The following CNTNAP5 variants were observed in gnomAD, a reference collection of about 807,000 sequenced individuals.
The protein encoded by CNTNAP5 is contactin associated protein family member 5, also known as contactin-associated protein-like 5.
In CNTNAP5, 72 loss-of-function variants were observed where a neutral mutation model predicts 150.2. The observed-to-expected ratio is 0.48, with a 90% confidence interval of 0.40 to 0.58. The LOEUF (loss-of-function observed/expected upper bound fraction) is 0.58, where lower values mean the gene tolerates loss of function less well. Ranked by LOEUF, CNTNAP5 falls within the 20% of genes least tolerant of loss-of-function variation. The probability of loss-of-function intolerance (pLI) is 0.00; values close to 1 mark genes in which losing one functional copy is unlikely to be tolerated. For synonymous variants in CNTNAP5, 672 were observed against 619.8 expected (o/e 1.08, Z -1.25); for missense variants, 1,636 against 1,626.2 (o/e 1.01, Z -0.10).
At chr2:124,126,731 C>T (rs930745211) in intron 1 of CNTNAP5, among the ~76,000 whole-genome samples, 1 of 152,118 alleles carries the variant, frequency 6.6e-6, no homozygotes, top group African/African-American at 2.4e-5. Context: ...TGGCCTCATC[C>T]CTGGGATACA....
intron 1 of CNTNAP5, among the ~76,000 whole-genome samples, chr2:124,138,833 A>G (rs563583282): frequency 6.6e-6 from 1 of 151,506 alleles, no homozygotes; most frequent in Non-Finnish European, 1.5e-5. Context: ...AAACACACAC[A>G]CACACCACAT....
intron 1 of CNTNAP5, among the ~76,000 whole-genome samples, chr2:124,105,238 T>C (rs1683149319): frequency 6.6e-6 from 1 of 152,220 alleles, no homozygotes; most frequent in East Asian, 1.9e-4. Flanking sequence ...CTTCAGCCAA[T>C]CTTCCACTAA....
chr2:124,175,617 T>C (rs1324904265), intron 1 of CNTNAP5, among the ~76,000 whole-genome samples: 2 of 152,142 alleles, frequency 1.3e-5, no homozygotes, highest in East Asian at 3.9e-4. Context: ...CATTCTCTAT[T>C]GTTCTCATCT....
chr2:124,745,290 G>T (rs1680582003), intron 13 of CNTNAP5, among the ~76,000 whole-genome samples: 1 of 152,192 alleles, frequency 6.6e-6, no homozygotes, highest in East Asian at 1.9e-4. Flanking sequence ...TTGCTCATTG[G>T]ATTTGACTGT....
chr2:124,706,757 A>AGAG (rs1679649008), intron 13 of CNTNAP5, among the ~76,000 whole-genome samples: 1 of 26,806 alleles, frequency 3.7e-5, no homozygotes, highest in Non-Finnish European at 7.5e-5. Flanking sequence ...AAGAAGAAGA[A>AGAG]GAAGAAGAAG....
At chr2:124,602,107 G>A (rs1431065294) in intron 11 of CNTNAP5, among the ~76,000 whole-genome samples, 2 of 152,096 alleles carry the variant, frequency 1.3e-5, no homozygotes, top group Non-Finnish European at 2.9e-5. Flanking sequence ...CACTTTGGGA[G>A]GCCGAGGCGG....
intron 3 of CNTNAP5, among the ~76,000 whole-genome samples, chr2:124,299,189 C>T (rs570079102): frequency 6.6e-6 from 1 of 152,284 alleles, no homozygotes; most frequent in East Asian, 1.9e-4. Context: ...CAGGCTCTTC[C>T]CCACTGCAAT....
intron 1 of CNTNAP5, among the ~76,000 whole-genome samples, chr2:124,046,451 A>G (rs966310412): frequency 2.7e-5 from 4 of 150,600 alleles, no homozygotes; most frequent in African/African-American, 9.8e-5. Context: ...AAAAAAAAAC[A>G]GAGAATAACA....
At chr2:124,108,377 TATTA>T (rs1209706097) in intron 1 of CNTNAP5, among the ~76,000 whole-genome samples, 1 of 152,190 alleles carries the variant, frequency 6.6e-6, no homozygotes, top group African/African-American at 2.4e-5. Flanking sequence ...ACCTTTGTAA[TATTA>T]AATAGGCTTA....
At chr2:124,778,852 A>C (rs1027525129) in intron 17 of CNTNAP5, among the ~76,000 whole-genome samples, 4 of 152,192 alleles carry the variant, frequency 2.6e-5, no homozygotes, top group Non-Finnish European at 5.9e-5. Flanking sequence ...AAAAGAAAAA[A>C]AAAAAAGAGT....
At chr2:124,725,890 A>G (rs1680148171) in intron 13 of CNTNAP5, among the ~76,000 whole-genome samples, 2 of 152,022 alleles carry the variant, frequency 1.3e-5, no homozygotes, top group African/African-American at 4.8e-5. Context: ...AATGGCAAGA[A>G]TTACTTTTTA....
At chr2:124,064,931 T>A (rs1433476032) in intron 1 of CNTNAP5, among the ~76,000 whole-genome samples, 1 of 151,244 alleles carries the variant, frequency 6.6e-6, no homozygotes, top group East Asian at 2.0e-4. Flanking sequence ...TGTAGATTGC[T>A]CCTTTCTGCT....
At chr2:124,400,284 G>C (rs1691372714) in intron 3 of CNTNAP5, among the ~76,000 whole-genome samples, 1 of 152,024 alleles carries the variant, frequency 6.6e-6, no homozygotes, top group Non-Finnish European at 1.5e-5. Flanking sequence ...CATATATTTA[G>C]TTTGTCAGGT....
intron 13 of CNTNAP5, among the ~76,000 whole-genome samples, chr2:124,695,870 T>C (rs191311384): frequency 2.6e-5 from 4 of 152,286 alleles, no homozygotes; most frequent in Admixed American, 1.3e-4. Flanking sequence ...CCCAGGTTCC[T>C]TGTGCATATT....
chr2:124,116,983 G>C (rs1011949614), intron 1 of CNTNAP5, among the ~76,000 whole-genome samples: 1 of 152,150 alleles, frequency 6.6e-6, no homozygotes, highest in Non-Finnish European at 1.5e-5. Context: ...TGGGTCCTTG[G>C]CATGTTTTGC....
At chr2:124,150,152 C>T (rs943007702) in intron 1 of CNTNAP5, among the ~76,000 whole-genome samples, 7 of 152,092 alleles carry the variant, frequency 4.6e-5, no homozygotes, top group African/African-American at 1.2e-4. Context: ...GATTTATTTC[C>T]GATTAAAAAA....
At chr2:124,264,552 A>G (rs1432032025) in intron 3 of CNTNAP5, among the ~76,000 whole-genome samples, 1 of 152,170 alleles carries the variant, frequency 6.6e-6, no homozygotes, top group Non-Finnish European at 1.5e-5. Context: ...GGTTCCTGGG[A>G]AAACTCCAGA....
chr2:124,793,236 A>T (rs181059473), intron 18 of CNTNAP5, among the ~76,000 whole-genome samples: 14 of 152,314 alleles, frequency 9.2e-5, no homozygotes, highest in Admixed American at 3.3e-4. Flanking sequence ...CTTACTGAAT[A>T]TGAAATGCTA....
chr2:124,487,046 T>C (rs979360941), intron 7 of CNTNAP5, among the ~76,000 whole-genome samples: 1 of 152,216 alleles, frequency 6.6e-6, no homozygotes, highest in African/African-American at 2.4e-5. Flanking sequence ...TTTCTACGTT[T>C]GTCTAATACC....
Sources: gnomAD v4.1 joint callset for allele counts (sites outside exome capture counted in the v4.1 genomes callset) on GRCh38, gnomAD v4.1.1 for gene constraint, MANE v1.5 for transcripts, NCBI Gene and HGNC (gene_info 2026-07-23, HGNC 2026-07-21) for gene names.